SLC6A9: variants seen among roughly 807,000 people sequenced by gnomAD.
The protein encoded by SLC6A9 is sodium- and chloride-dependent glycine transporter 1.
A neutral mutation model predicts 70.9 loss-of-function variants in SLC6A9; 31 were observed. The observed-to-expected ratio is 0.44, with a 90% CI of 0.33 to 0.59. SLC6A9 has a LOEUF of 0.59. Among genes scored for constraint, SLC6A9 ranks in the 20% least tolerant of loss-of-function variants. The pLI is 0.04. For missense variants in SLC6A9, 631 were observed against 845.2 expected (o/e 0.75, Z 3.14); for synonymous variants, 310 against 341.3 (o/e 0.91, Z 1.01).
intron 5 of SLC6A9, among the ~76,000 whole-genome samples, chr1:44,004,884 C>T (rs571031353): frequency 1.3e-4 from 20 of 152,312 alleles, no homozygotes; most frequent in African/African-American, 4.1e-4. Flanking sequence ...AATTACTCTG[C>T]GTTGCTTTAA....
Position 44,010,087 on chromosome 1 carries a change from A to G in SLC6A9, c.197T>C (p.Met66Thr). Residue 66 changes from methionine (M) to threonine (T), a missense_variant, in exon 4 of 14, where the codon ATG (methionine) becomes ACG (threonine). Coordinates refer to ENST00000372310, the MANE Select transcript of SLC6A9 (RefSeq NM_001024845.3). ...LCYRNGGGAF[M>T]FPYFIMLIFC... is the part of the protein sequence containing the mutation. ...GATGAGCATGATGAAGTAGGGGAACATGAAGGCGCCTGGTAGGCAGGGAGA... is the reference window on the plus strand; with the variant it reads ...GATGAGCATGATGAAGTAGGGGAACGTGAAGGCGCCTGGTAGGCAGGGAGA... 1 of 1,613,890 alleles carries G rather than the reference A, an allele frequency of 6.2e-7. No individual in the cohort carries two copies. The highest frequency in any genetic ancestry group is 8.5e-7 in the Non-Finnish European group (1 of 1,179,842).
At chr1:43,999,758 C>A (rs889070725) in intron 12 of SLC6A9, among the ~76,000 whole-genome samples, 8 of 152,154 alleles carry the variant, frequency 5.3e-5, no homozygotes, top group African/African-American at 1.4e-4. Context: ...GGTGCTGAGC[C>A]CCCTGTGCCA....
rs780398424 is a variant in SLC6A9 at position 44,010,095 on chromosome 1, G to T, written c.189C>A (p.Gly63=). ...TGATGAAGTAGGGGAACATGAAGGC[G>T]CCTGGTAGGCAGGGAGAGGTCTGGC... The part of the protein sequence containing the change: ...FPYLCYRNGG[G]AFMFPYFIML... The change falls in exon 4 of 14, where the codon GGC becomes GGA. Residue 63 remains glycine (G), a splice_region_variant and synonymous_variant. Coordinates refer to ENST00000372310, the MANE Select transcript of SLC6A9 (RefSeq NM_001024845.3). 1 of 1,613,744 alleles carries T rather than the reference G, an allele frequency of 6.2e-7. No individual in the cohort carries two copies. Among genetic ancestry groups the T allele is most frequent in the Admixed American group, 1.7e-5 (1 of 60,020 alleles).
chr1:44,002,204 G>A lies in SLC6A9; in HGVS notation c.962+109C>T, dbSNP rs941415851. On this transcript the variant is annotated intron_variant, in intron 8 of 13. Coordinates refer to ENST00000372310, the MANE Select transcript of SLC6A9 (RefSeq NM_001024845.3). This position sits in a 1 kb window ranked among gnomAD's most constrained non-coding sequence, Gnocchi z 5.5. Reference sequence around the variant, plus strand: ...AGAACCAGTATTCCCAGAACCTCAAGATCATGAGGGGAAAGGAGGCCTCGT... The same window carrying A: ...AGAACCAGTATTCCCAGAACCTCAAAATCATGAGGGGAAAGGAGGCCTCGT... The A allele has an allele frequency of 6.6e-6, 5 of 754,936 alleles. No individual in the cohort carries two copies. In the African/African-American group the frequency reaches 8.6e-5, roughly 13 times the overall value. The allele number at this position is 754,936 out of a possible 1,614,324, so 46.8% of individuals were successfully genotyped here. A position where few individuals can be genotyped will look rare whatever the true frequency, so the allele number is the denominator to read the frequency against.
In SLC6A9 at chr1:44,008,391, G is replaced by A; in HGVS notation, c.552C>T (p.His184=). The change falls in exon 5 of 14, where the codon CAC becomes CAT. Residue 184 remains histidine (H), a synonymous_variant. Coordinates refer to ENST00000372310, the MANE Select transcript of SLC6A9 (RefSeq NM_001024845.3). ...LPSNLSHLLN[H]SLQRTSPSEE... ...CGCTGGGGCTGGTCCTCTGGAGGCT[G>A]TGGTTGAGCAGGTGGGAGAGGTTGC... 6.2e-7 allele frequency: 1 copy of A among 1,614,152 alleles called. No individual in the cohort carries two copies. The highest frequency in any genetic ancestry group is 8.5e-7 in the Non-Finnish European group (1 of 1,179,962).
chr1:44,008,710 C>CTTT, intron 4 of SLC6A9, 87 bp from the exon 5 acceptor site: 25 of 845,280 alleles, frequency 3.0e-5, no homozygotes, highest in Non-Finnish European at 3.6e-5. Context: ...CTTTTCTTTT[C>CTTT]TTTTTTTTTT....
rs1369456972 is a variant in SLC6A9, at chr1:44,031,318, C to G, written c.-98G>C. 1 of 152,210 alleles carries G rather than the reference C, an allele frequency of 6.6e-6. No homozygotes were observed. Among genetic ancestry groups the G allele is most frequent in the Non-Finnish European group, 1.5e-5 (1 of 68,098 alleles). The allele number at this position is 152,210 out of a possible 1,614,324, so 9.4% of individuals were successfully genotyped here. ...CCAGCCCCCTTACCATGCTGCAGCC[C>G]CCGGCCCAGGCGTGCTGGGTCCGCA... On this transcript the variant is annotated 5_prime_UTR_variant, in exon 1 of 14. Transcript: ENST00000372310.
chr1:44,009,947 G>GC lies in SLC6A9; in HGVS notation c.319+17dup. On this transcript the variant is annotated intron_variant, in intron 4 of 13. Transcript: ENST00000372310. ...TGTGTTTGTGTATGTGTGAGCGAGTGCCCCGCCCAGGCCTCACCTTTGAAC... is the reference window on the plus strand; with the variant it reads ...TGTGTTTGTGTATGTGTGAGCGAGTGCCCCCGCCCAGGCCTCACCTTTGAAC... 1 of 1,612,650 alleles carries GC rather than the reference G, an allele frequency of 6.2e-7. No homozygotes were observed. The highest frequency in any genetic ancestry group is 8.5e-7 in the Non-Finnish European group (1 of 1,179,244).
chr1:44,031,103 G>A (rs1277794858), intron 1 of SLC6A9, among the ~76,000 whole-genome samples: 2 of 151,724 alleles, frequency 1.3e-5, no homozygotes, highest in African/African-American at 4.8e-5. Context: ...TCTTTGCGGC[G>A]AGACAGACAT....
chr1:44,016,966 G>T, intron 2 of SLC6A9: 2 of 1,403,326 alleles, frequency 1.4e-6, no homozygotes, highest in Non-Finnish European at 1.9e-6. Flanking sequence ...AGACCACTCA[G>T]CCCCTCTCCC....
intron 5 of SLC6A9, among the ~76,000 whole-genome samples, chr1:44,004,551 G>T (rs2086244308): frequency 1.3e-5 from 2 of 151,872 alleles, no homozygotes; most frequent in Non-Finnish European, 2.9e-5. Context: ...TCGCCATATT[G>T]CCCAGGCTGG....
At position 44,002,740 on chromosome 1, in the gene SLC6A9, C is replaced by T; in HGVS notation, c.724-94G>A. ...CTAATCACCACCAGCCCCCTGGTCC[C>T]TCTCCGGCTCCGGAGTCCCTTCAGC... On this transcript the variant is annotated intron_variant, in intron 6 of 13. Transcript: ENST00000372310. The surrounding 1 kb of genome is among the most constrained non-coding windows in gnomAD (Gnocchi z 5.5). 6.3e-7 allele frequency: 1 copy of T among 1,593,128 alleles called. No individual in the cohort carries two copies. The highest frequency in any genetic ancestry group is 1.1e-5 in the South Asian group (1 of 90,172).
intron 3 of SLC6A9, chr1:44,010,440 C>CA: frequency 2.6e-6 from 1 of 378,426 alleles, no homozygotes; most frequent in Admixed American, 5.3e-5. Context: ...GGGAATAGAA[C>CA]AGGGAGCCTT....
chr1:44,016,117 G>A (rs939069173), intron 2 of SLC6A9, among the ~76,000 whole-genome samples: 32 of 152,238 alleles, frequency 2.1e-4, no homozygotes, highest in African/African-American at 7.2e-4. Context: ...CTCCACTCCA[G>A]GCCCTGGGGT....
At chr1:44,007,893 T>C (rs1205245309) in intron 5 of SLC6A9, among the ~76,000 whole-genome samples, 7 of 3,592 alleles carry the variant, frequency 1.9e-3, no homozygotes, top group African/African-American at 0.013. Flanking sequence ...GCTTTCTTTC[T>C]TTTTTTTTTT....
rs569140195 is a variant in SLC6A9 at position 43,998,195 on chromosome 1, C to T, written c.1537-170G>A. Among the ~76,000 whole-genome samples, 20 of 152,200 alleles carry T rather than the reference C, an allele frequency of 1.3e-4. No individual in the cohort carries two copies. In the East Asian group the frequency reaches 1.4e-3, roughly 10 times the overall value. On this transcript the variant is annotated intron_variant, in intron 12 of 13. Coordinates refer to ENST00000372310, the MANE Select transcript of SLC6A9 (RefSeq NM_001024845.3). ...GGGCCGTGGAAGAAGCAGGCAGGGC[C>T]GGGGGCCGGAGCGCGGTGAGTGGGA...
intron 2 of SLC6A9, chr1:44,017,132 A>G: frequency 6.2e-7 from 1 of 1,607,540 alleles, no homozygotes; most frequent in Non-Finnish European, 8.5e-7. Context: ...TCCGCCGCTC[A>G]TTCACACCTC....
chr1:44,024,383 G>A lies in SLC6A9; in HGVS notation c.-85-21C>T, dbSNP rs200567305. The A allele has an allele frequency of 1.7e-5, 25 of 1,439,516 alleles. No homozygotes were observed. The African/African-American group carries it at 3.5e-4, about 20-fold the overall frequency. 89.2% of individuals were successfully genotyped at this position (1,439,516 alleles called of 1,614,324 possible). A position where few individuals can be genotyped will look rare whatever the true frequency, so the allele number is the denominator to read the frequency against. On this transcript the variant is annotated intron_variant, in intron 1 of 13. Transcript: ENST00000372310. ...AAGAGCTGTGGAGAGAGCAGAGGGT[G>A]AGGTGAGGACTTGGCCGTGTGGCCC...
intron 4 of SLC6A9, 83 bp from the exon 5 acceptor site, chr1:44,008,706 T>G: frequency 8.9e-7 from 1 of 1,122,688 alleles, no homozygotes; most frequent in South Asian, 1.6e-5. Flanking sequence ...TTTTCTTTTC[T>G]TTTCTTTTTT....
Sources: allele counts gnomAD v4.1 joint callset (sites outside exome capture counted in the v4.1 genomes callset), GRCh38; gene constraint gnomAD v4.1.1; non-coding constraint Gnocchi (gnomAD v3.1); transcripts MANE v1.5; gene names NCBI Gene and HGNC (gene_info 2026-07-23, HGNC 2026-07-21).